Variants in LINGO2 observed in about 807,000 individuals in gnomAD.
The protein encoded by LINGO2 is leucine-rich repeat and immunoglobulin-like domain-containing nogo receptor-interacting protein 2.
In LINGO2, 14 loss-of-function variants were observed where a neutral mutation model predicts 30.6. The ratio of observed to expected loss-of-function variants is 0.46; its 90% CI spans 0.30 to 0.72. LINGO2 has a LOEUF of 0.72. Among genes scored for constraint, LINGO2 ranks in the 30% least tolerant of loss-of-function variants. The pLI is 0.07. For synonymous variants in LINGO2, 317 were observed against 288.5 expected, an observed-to-expected ratio of 1.10 and a Z score of -1.00; for missense variants, 729 against 751.7, an observed-to-expected ratio of 0.97 and a Z score of 0.35.
intron 1 of LINGO2, among the ~76,000 whole-genome samples, chr9:28,597,171 G>A (rs923097158): frequency 1.3e-5 from 2 of 152,028 alleles, no homozygotes; most frequent in East Asian, 1.9e-4. Context: ...GTGTGCCTGG[G>A]GACCAATTTA....
At chr9:28,181,154 T>G (rs1172569509) in intron 4 of LINGO2, among the ~76,000 whole-genome samples, 1 of 152,116 alleles carries the variant, frequency 6.6e-6, no homozygotes, top group Non-Finnish European at 1.5e-5. Context: ...AGCCTGCTAG[T>G]CTGGGGTTCC....
the LINGO2 span, among the ~76,000 whole-genome samples, chr9:28,994,711 G>A: frequency 6.6e-5 from 10 of 152,070 alleles, no homozygotes; most frequent in East Asian, 1.9e-4. Flanking sequence ...CAGAAATAGC[G>A]CCGCATATCT....
At chr9:28,607,476 A>C (rs1369030280) in intron 1 of LINGO2, among the ~76,000 whole-genome samples, 2 of 152,082 alleles carry the variant, frequency 1.3e-5, no homozygotes, top group African/African-American at 4.8e-5. Context: ...AAAATAGTAG[A>C]CATCATTTGC....
the LINGO2 span, among the ~76,000 whole-genome samples, chr9:29,149,830 C>G: frequency 2.0e-5 from 3 of 152,224 alleles, no homozygotes; most frequent in Non-Finnish European, 4.4e-5. Context: ...CTCTGAGTAG[C>G]TCTAACCTGA....
At position 28,587,279 on chromosome 9, in the gene LINGO2, A is replaced by T. The variant is rs1307330638; in HGVS notation, c.-365+82921T>A. 3.3e-5 allele frequency among the ~76,000 whole-genome samples: 5 copies of T among 152,062 alleles called. No homozygotes were observed. The East Asian group carries it at 7.7e-4, about 24-fold the overall frequency. On this transcript the variant is annotated intron_variant, in intron 1 of 5. Transcript: ENST00000379992. The stretch of plus-strand genomic sequence containing the variant: ...AGCATTAATGAAATTCTGAAGCAAT[A>T]CTGCAGGTACCATTCCTATGCCCTC...
At chr9:28,759,933 A>G in the LINGO2 span, among the ~76,000 whole-genome samples, 1 of 152,026 alleles carries the variant, frequency 6.6e-6, no homozygotes, top group African/African-American at 2.4e-5. Flanking sequence ...AATAAACACC[A>G]TCATCTACCA....
rs139834907 is a variant in LINGO2 at position 28,637,901 on chromosome 9, G to A, written c.-365+32299C>T. ...GAGAGAGCATCCCTGTCTTGTGCCA[G>A]TTTTCAAAGGGAATGTTTCCAGTTT... On this transcript the variant is annotated intron_variant, in intron 1 of 5. Transcript: ENST00000379992. Among the ~76,000 whole-genome samples, 1,405 of 152,260 alleles carry A rather than the reference G, an allele frequency of 9.2e-3. 27 individuals are homozygous for A. Among genetic ancestry groups the A allele is most frequent in the East Asian group, 0.08 (413 of 5,170 alleles).
At chr9:28,847,776 TATA>T in the LINGO2 span, among the ~76,000 whole-genome samples, 5 of 37,404 alleles carry the variant, frequency 1.3e-4, no homozygotes, top group Non-Finnish European at 2.5e-4. Flanking sequence ...TATGTGTATA[TATA>T]GTATATATAC....
At chr9:28,971,595 G>C in the LINGO2 span, among the ~76,000 whole-genome samples, 1 of 152,208 alleles carries the variant, frequency 6.6e-6, no homozygotes, top group African/African-American at 2.4e-5. Context: ...ACTGCATCTT[G>C]TGGTTTGAAT....
rs1438765531 is a variant in LINGO2, at chr9:28,174,950, CAGACAGAGAGAAAG to C, written c.-87+120244_-87+120257del. Among the ~76,000 whole-genome samples the C allele has an allele frequency of 2.1e-3, 290 of 135,918 alleles. 1 individual carries two copies. The highest frequency in any genetic ancestry group is 3.9e-3 in the Non-Finnish European group (247 of 62,608). The allele number at this position is 135,918 out of a possible 152,430, so 89.2% of individuals were successfully genotyped here. On this transcript the variant is annotated intron_variant, in intron 4 of 5. Coordinates refer to ENST00000379992, the Ensembl canonical transcript of LINGO2. ...AGAGAGAGAGAGAGAGAGAGAGAGA[CAGACAGAGAGAAAG>C]AGACAGAGACCCATTAGCAGGCTTC...
the LINGO2 span, among the ~76,000 whole-genome samples, chr9:28,911,342 G>T: frequency 6.6e-6 from 1 of 151,456 alleles, no homozygotes; most frequent in Admixed American, 6.6e-5. Context: ...TAAGCATATT[G>T]TCTTTTCTTT....
intron 4 of LINGO2, among the ~76,000 whole-genome samples, chr9:28,241,019 C>T (rs535069372): frequency 6.6e-6 from 1 of 152,098 alleles, no homozygotes; most frequent in East Asian, 1.9e-4. Context: ...GCCTGTAATT[C>T]CAACACTTTG....
intron 4 of LINGO2, among the ~76,000 whole-genome samples, chr9:28,059,001 G>A (rs1040732222): frequency 5.9e-5 from 9 of 152,014 alleles, no homozygotes; most frequent in Non-Finnish European, 1.3e-4. Context: ...AAAAGATTCA[G>A]AGCTCACAAC....
chr9:28,603,569 A>T (rs1158147658), intron 1 of LINGO2, among the ~76,000 whole-genome samples: 4 of 152,194 alleles, frequency 2.6e-5, no homozygotes, highest in East Asian at 1.9e-4. Context: ...TTTTTAAAAG[A>T]TACAATTTAT....
intron 4 of LINGO2, among the ~76,000 whole-genome samples, chr9:28,058,044 A>T (rs772754379): frequency 6.6e-6 from 1 of 152,128 alleles, no homozygotes; most frequent in Non-Finnish European, 1.5e-5. Context: ...ATATCTTTGG[A>T]GGCAAGCATT....
chr9:28,237,491 T>C lies in LINGO2; in HGVS notation c.-87+57717A>G, dbSNP rs762205768. Reference sequence around the variant, plus strand: ...AATGTAAAGAAACCAAACTCTCCAATCAAAAAAGATAGATTGGCTGAATGG... The same window carrying C: ...AATGTAAAGAAACCAAACTCTCCAACCAAAAAAGATAGATTGGCTGAATGG... On this transcript the variant is annotated intron_variant, in intron 4 of 5. Transcript: ENST00000379992. 7.2e-5 allele frequency among the ~76,000 whole-genome samples: 11 copies of C among 151,808 alleles called. 1 individual carries two copies. The highest frequency in any genetic ancestry group is 6.8e-3 in the Middle Eastern group (2 of 294).
At chr9:29,069,729 T>C in the LINGO2 span, among the ~76,000 whole-genome samples, 3 of 152,128 alleles carry the variant, frequency 2.0e-5, no homozygotes, top group South Asian at 4.1e-4. Flanking sequence ...TAATAGAGTT[T>C]GGTTCAAAAA....
At chr9:28,508,755 G>A (rs552032416) in intron 1 of LINGO2, among the ~76,000 whole-genome samples, 1 of 136,384 alleles carries the variant, frequency 7.3e-6, no homozygotes, top group Non-Finnish European at 1.6e-5. Flanking sequence ...ATTTAATGAA[G>A]AAAACTCTAT....
the LINGO2 span, among the ~76,000 whole-genome samples, chr9:28,885,081 G>GCACT: frequency 7.3e-6 from 1 of 136,372 alleles, no homozygotes; most frequent in Non-Finnish European, 1.6e-5. Context: ...TTCCCTGCTG[G>GCACT]CACTGCAGGG....
Sources: gnomAD v4.1 joint callset for allele counts (sites outside exome capture counted in the v4.1 genomes callset) on GRCh38, gnomAD v4.1.1 for gene constraint, MANE v1.5 for transcripts, NCBI Gene and HGNC (gene_info 2026-07-23, HGNC 2026-07-21) for gene names.